MTF1: variants seen among roughly 807,000 people sequenced by gnomAD.
The protein encoded by MTF1 is MRE-binding transcription factor.
In MTF1, 22 loss-of-function variants were observed where a neutral mutation model predicts 70.4. That is an observed-to-expected ratio of 0.31 (90% CI 0.22 to 0.45). MTF1 has a LOEUF of 0.45. MTF1 is among the 20% of genes least tolerant of loss of function. The pLI is 1.00. For synonymous variants in MTF1, 333 were observed against 352.8 expected, an observed-to-expected ratio of 0.94 and a Z score of 0.63; for missense variants, 649 against 922.0, an observed-to-expected ratio of 0.70 and a Z score of 3.83.
chr1:37,835,323 G>T, intron 5 of MTF1, 108 bp from the exon 6 acceptor site: 1 of 952,342 alleles, frequency 1.1e-6, no homozygotes, highest in South Asian at 1.6e-5. Context: ...GAGAGTTTGG[G>T]TAACAGTTGT....
At chr1:37,822,809 GA>G (rs1354724994) in intron 8 of MTF1, 93 bp from the exon 9 acceptor site, 2 of 821,446 alleles carry the variant, frequency 2.4e-6, no homozygotes, top group Non-Finnish European at 3.8e-6. Flanking sequence ...AAACACAGCT[GA>G]AGTCCACTGA....
chr1:37,839,629 G>A lies in MTF1; in HGVS notation c.647+291C>T, dbSNP rs540313215. Among the ~76,000 whole-genome samples, 250 of 152,296 alleles carry A rather than the reference G, an allele frequency of 1.6e-3. 3 individuals are homozygous for A. Among genetic ancestry groups the A allele is most frequent in the Non-Finnish European group, 2.9e-3 (199 of 68,020 alleles). ...AGTACTCTATGCCAAGCACTGAAAT[G>A]CCCAGGCCAGAATGCTGCTCCATGA... is the stretch of plus-strand genomic sequence containing the variant. On this transcript the variant is annotated intron_variant, in intron 3 of 10. Coordinates refer to ENST00000373036, the MANE Select transcript of MTF1 (RefSeq NM_005955.3).
rs1357568146 is a variant in MTF1 at position 37,835,124 on chromosome 1, G to A, written c.945C>T (p.Asn315=). 3.1e-6 allele frequency: 5 copies of A among 1,613,956 alleles called. No homozygotes were observed. The highest frequency in any genetic ancestry group is 2.5e-6 in the Non-Finnish European group (3 of 1,179,950). The change falls in exon 6 of 11, where the codon AAC becomes AAT. Residue 315 remains asparagine (N), a synonymous_variant. Transcript: ENST00000373036. ...GAAGTGCATTGTATGAGTGTCCTTT[G>A]TTATCATGACCTTTCATGTGACTTT... is the stretch of plus-strand genomic sequence containing the variant. ...SLKSHMKGHD[N]KGHSYNALPQ...
intron 10 of MTF1, among the ~76,000 whole-genome samples, chr1:37,816,587 A>T (rs1339061116): frequency 6.6e-6 from 1 of 151,208 alleles, no homozygotes; most frequent in Non-Finnish European, 1.5e-5. Context: ...AGACATGAGA[A>T]TCACTTGAAC....
intron 7 of MTF1, among the ~76,000 whole-genome samples, chr1:37,825,164 C>G (rs926537127): frequency 5.3e-5 from 8 of 152,190 alleles, no homozygotes; most frequent in African/African-American, 1.9e-4. Context: ...CCAGTCACCT[C>G]AAGGGCTTCA....
chr1:37,822,923 T>C (rs1233670912), intron 8 of MTF1, among the ~76,000 whole-genome samples: 6 of 152,156 alleles, frequency 3.9e-5, no homozygotes, highest in Admixed American at 6.5e-5. Flanking sequence ...TTCCTAAATG[T>C]GAAGACCCAA....
chr1:37,817,667 A>G (rs1395896416), intron 9 of MTF1, among the ~76,000 whole-genome samples, 185 bp from the exon 10 acceptor site: 1 of 152,216 alleles, frequency 6.6e-6, no homozygotes, highest in Non-Finnish European at 1.5e-5. Flanking sequence ...TTTGACATTC[A>G]GTGCTGACAA....
intron 7 of MTF1, among the ~76,000 whole-genome samples, chr1:37,824,789 G>C (rs1469239376): frequency 6.6e-6 from 1 of 152,070 alleles, no homozygotes; most frequent in Non-Finnish European, 1.5e-5. Context: ...TAATATCTAT[G>C]ATATTCTAGT....
At chr1:37,817,117 C>A (rs1255827930) in intron 10 of MTF1, among the ~76,000 whole-genome samples, 1 of 152,160 alleles carries the variant, frequency 6.6e-6, no homozygotes. Context: ...TAACAACTGC[C>A]CTCTTTAGCA....
At position 37,840,505 on chromosome 1, in the gene MTF1, T is replaced by C. The variant is rs769414856; in HGVS notation, c.409-347A>G. 94 of 469,170 alleles carry C rather than the reference T, an allele frequency of 2.0e-4. No individual in the cohort carries two copies. The highest frequency in any genetic ancestry group is 9.1e-4 in the South Asian group (59 of 64,594). The allele number at this position is 469,170 out of a possible 1,614,324, so 29.1% of individuals were successfully genotyped here. A position where few individuals can be genotyped will look rare whatever the true frequency, so the allele number is the denominator to read the frequency against. ...TAAGATCTTAACTTTGTTTTAAGGCTTGACTAAACACCCTGACCTCCAGAA... is the reference window on the plus strand; with the variant it reads ...TAAGATCTTAACTTTGTTTTAAGGCCTGACTAAACACCCTGACCTCCAGAA... On this transcript the variant is annotated intron_variant, in intron 2 of 10. Coordinates refer to ENST00000373036, the MANE Select transcript of MTF1 (RefSeq NM_005955.3). The surrounding 1 kb of genome is among the most constrained non-coding windows in gnomAD (Gnocchi z 4.5).
At position 37,822,180 on chromosome 1, in the gene MTF1, G is replaced by C; in HGVS notation, c.1708C>G (p.Gln570Glu). 1 of 1,613,684 alleles carries C rather than the reference G, an allele frequency of 6.2e-7. No individual in the cohort carries two copies. The highest frequency in any genetic ancestry group is 1.1e-5 in the South Asian group (1 of 91,014). ...ILQSSLVMGE[Q>E]NLQWILNGAT... ...CCATTTAATATCCATTGTAAGTTCT[G>C]TTCTCCCATGACTAGGCTGGACTGC... Residue 570 changes from glutamine (Q) to glutamate (E), a missense_variant, in exon 9 of 11, where the codon CAG (glutamine) becomes GAG (glutamate). Physicochemically the swap from Gln to Glu is conservative, Grantham distance 29 (BLOSUM62 2). Transcript: ENST00000373036.
chr1:37,839,256 A>T (rs1359258354), intron 3 of MTF1, among the ~76,000 whole-genome samples: 1 of 152,112 alleles, frequency 6.6e-6, no homozygotes, highest in Non-Finnish European at 1.5e-5. Context: ...TATGAGTGTG[A>T]CTCTGGAGAC....
chr1:37,818,561 G>A (rs535271769), intron 9 of MTF1, among the ~76,000 whole-genome samples: 11 of 151,738 alleles, frequency 7.2e-5, no homozygotes, highest in African/African-American at 1.9e-4. Flanking sequence ...AAAATTAGCC[G>A]GGCATGGTGG....
chr1:37,838,766 A>G lies in MTF1; in HGVS notation c.648-10T>C. On this transcript the variant is annotated splice_polypyrimidine_tract_variant and intron_variant, in intron 3 of 10. Coordinates refer to ENST00000373036, the MANE Select transcript of MTF1 (RefSeq NM_005955.3). ...CTGATGTGCTTTCAGCCTGCAAAAT[A>G]TTCCAGAAAAATTCCCTTTGTCATA... 1 of 1,349,046 alleles carries G rather than the reference A, an allele frequency of 7.4e-7. No homozygotes were observed. The highest frequency in any genetic ancestry group is 9.9e-7 in the Non-Finnish European group (1 of 1,015,172). 83.6% of individuals were successfully genotyped at this position (1,349,046 alleles called of 1,614,324 possible).
intron 7 of MTF1, among the ~76,000 whole-genome samples, chr1:37,830,162 T>C (rs1409182361): frequency 2.6e-5 from 4 of 152,250 alleles, no homozygotes; most frequent in African/African-American, 9.6e-5. Flanking sequence ...TGAGGGCATC[T>C]AGACCACCCA....
chr1:37,817,714 C>T (rs1640841115), intron 9 of MTF1, among the ~76,000 whole-genome samples: 1 of 152,172 alleles, frequency 6.6e-6, no homozygotes, highest in African/African-American at 2.4e-5. Context: ...TGGCTGGCTC[C>T]CAGCTGCCTA....
At chr1:37,818,214 C>G (rs980465926) in intron 9 of MTF1, among the ~76,000 whole-genome samples, 13 of 152,138 alleles carry the variant, frequency 8.5e-5, no homozygotes, top group African/African-American at 2.9e-4. Flanking sequence ...TAAGAGGTGA[C>G]TGGGTCATGA....
At chr1:37,818,944 G>C (rs12760154) in intron 9 of MTF1, among the ~76,000 whole-genome samples, 38,878 of 151,144 alleles carry the variant, frequency 0.26, 5,182 homozygotes, top group Non-Finnish European at 0.28. Flanking sequence ...AGTGAGCCGA[G>C]ATCGCACCAC....
chr1:37,848,532 A>C lies in MTF1; in HGVS notation c.409-8374T>G, dbSNP rs200201165. ...TTTTGCCAATGTCATATAACAGCAA[A>C]ATGTTGGCAGTACTTAATATGTACA... On this transcript the variant is annotated intron_variant, in intron 2 of 10. Transcript: ENST00000373036. Among the ~76,000 whole-genome samples, 4 of 152,340 alleles carry C rather than the reference A, an allele frequency of 2.6e-5. No individual in the cohort carries two copies. The East Asian group carries it at 7.7e-4, about 29-fold the overall frequency.
Sources: gnomAD v4.1 joint callset for allele counts (sites outside exome capture counted in the v4.1 genomes callset) on GRCh38, gnomAD v4.1.1 for gene constraint, Gnocchi (gnomAD v3.1) non-coding constraint, MANE v1.5 for transcripts, NCBI Gene and HGNC (gene_info 2026-07-23, HGNC 2026-07-21) for gene names.